The following SCUBE2 variants were observed in gnomAD, a reference collection of about 807,000 sequenced individuals.
SCUBE2 encodes signal peptide, CUB and EGF-like domain-containing protein 2.
In SCUBE2, 114 loss-of-function variants were observed where a neutral mutation model predicts 125.9. The observed-to-expected ratio is 0.91, with a 90% CI of 0.78 to 1.06. The LOEUF is 1.06. Among genes scored for constraint, SCUBE2 ranks in the 50% least tolerant of loss-of-function variants. SCUBE2 has a pLI of 0.00. For synonymous variants in SCUBE2, 459 were observed against 492.9 expected, an observed-to-expected ratio of 0.93 and a Z score of 0.91; for missense variants, 1,255 against 1,301.8, an observed-to-expected ratio of 0.96 and a Z score of 0.55.
At chr11:9,069,951 C>G (rs1860619832) in intron 4 of SCUBE2, among the ~76,000 whole-genome samples, 1 of 152,168 alleles carries the variant, frequency 6.6e-6, no homozygotes, top group Non-Finnish European at 1.5e-5. Flanking sequence ...TTTCAACGCC[C>G]CTCTCTGCCC....
intron 3 of SCUBE2, among the ~76,000 whole-genome samples, chr11:9,077,011 C>G (rs1300560575): frequency 6.6e-6 from 1 of 152,196 alleles, no homozygotes; most frequent in Non-Finnish European, 1.5e-5. Flanking sequence ...AGCTACCACA[C>G]CCCCACCCCA....
At chr11:9,067,002 A>T (rs900202864) in intron 5 of SCUBE2, among the ~76,000 whole-genome samples, 189 bp from the exon 6 acceptor site, 6 of 152,246 alleles carry the variant, frequency 3.9e-5, no homozygotes, top group Non-Finnish European at 8.8e-5. Flanking sequence ...TAGTTACAAT[A>T]CAAATTGTAG....
intron 7 of SCUBE2, among the ~76,000 whole-genome samples, chr11:9,061,320 G>C (rs529314662): frequency 6.6e-6 from 1 of 152,100 alleles, no homozygotes; most frequent in South Asian, 2.1e-4. Context: ...ACTTTGGGAG[G>C]CTGAGGCAGG....
chr11:9,031,643 G>A (rs928354969), intron 17 of SCUBE2, among the ~76,000 whole-genome samples: 6 of 151,556 alleles, frequency 4.0e-5, no homozygotes, highest in African/African-American at 1.5e-4. Context: ...AAAAAAAAGA[G>A]TGACCCAAAG....
intron 16 of SCUBE2, among the ~76,000 whole-genome samples, chr11:9,045,928 C>T (rs138049576): frequency 7.9e-5 from 12 of 151,892 alleles, no homozygotes; most frequent in Middle Eastern, 3.5e-3. Flanking sequence ...CCTAATTTAG[C>T]ATGACAAGCA....
At chr11:9,039,948 C>T (rs1056907786) in intron 16 of SCUBE2, among the ~76,000 whole-genome samples, 4 of 152,220 alleles carry the variant, frequency 2.6e-5, no homozygotes, top group Non-Finnish European at 4.4e-5. Flanking sequence ...TTGATGGATT[C>T]CCGGAAAGAA....
chr11:9,031,030 C>T (rs1374032654), intron 17 of SCUBE2, 105 bp from the exon 18 acceptor site: 1 of 1,041,596 alleles, frequency 9.6e-7, no homozygotes, highest in African/African-American at 1.6e-5. Context: ...CCAGTGCTGA[C>T]CGCAGTTCCC....
intron 4 of SCUBE2, among the ~76,000 whole-genome samples, chr11:9,070,659 C>G (rs1340275037): frequency 6.6e-6 from 1 of 152,118 alleles, no homozygotes; most frequent in Admixed American, 6.5e-5. Context: ...AATCCAACAC[C>G]CTTCTATATT....
In SCUBE2 at chr11:9,075,506, T is replaced by C. The variant is rs1371196837; in HGVS notation, c.383-891A>G. ...TGGGTCAGCCCATGTGGTTGGAGCATAGGGCACATGAGGGAGGTTACAGGA... is the reference window on the plus strand; with the variant it reads ...TGGGTCAGCCCATGTGGTTGGAGCACAGGGCACATGAGGGAGGTTACAGGA... On this transcript the variant is annotated intron_variant, in intron 3 of 22. Coordinates refer to ENST00000649792, the MANE Select transcript of SCUBE2 (RefSeq NM_001367977.2). 5.9e-5 allele frequency among the ~76,000 whole-genome samples: 9 copies of C among 152,190 alleles called. 1 individual carries two copies. Among genetic ancestry groups the C allele is most frequent in the Admixed American group, 4.6e-4 (7 of 15,282 alleles).
At chr11:9,034,716 C>T (rs1281938932) in intron 16 of SCUBE2, among the ~76,000 whole-genome samples, 1 of 152,156 alleles carries the variant, frequency 6.6e-6, no homozygotes, top group Non-Finnish European at 1.5e-5. Flanking sequence ...CGCAGTGGCT[C>T]ACACCTATGA....
intron 2 of SCUBE2, among the ~76,000 whole-genome samples, chr11:9,080,669 A>G (rs7479788): frequency 0.22 from 33,000 of 151,790 alleles, 4,278 homozygotes; most frequent in East Asian, 0.43. Flanking sequence ...AAAGGAGAAA[A>G]AGAGAAAAAT....
intron 7 of SCUBE2, among the ~76,000 whole-genome samples, chr11:9,062,853 G>GA (rs77716079): frequency 0.2 from 27,865 of 138,712 alleles, 3,019 homozygotes; most frequent in South Asian, 0.4. Context: ...GGAGAGAAAA[G>GA]AAAAAAAAAA....
In SCUBE2 at chr11:9,025,685, C is replaced by G; in HGVS notation, c.2854+17G>C. The G allele has an allele frequency of 6.2e-7, 1 of 1,613,620 alleles. No homozygotes were observed. Among genetic ancestry groups the G allele is most frequent in the Admixed American group, 1.7e-5 (1 of 59,958 alleles). ...AAAGCAGAGACGCTCTTTCCATGTGCTGCAGGCTGTGCTTACCATCATATG... is the reference window on the plus strand; with the variant it reads ...AAAGCAGAGACGCTCTTTCCATGTGGTGCAGGCTGTGCTTACCATCATATG... On this transcript the variant is annotated intron_variant, in intron 21 of 22. Transcript: ENST00000649792.
intron 9 of SCUBE2, among the ~76,000 whole-genome samples, chr11:9,057,820 C>G (rs1859243596): frequency 6.6e-6 from 1 of 152,146 alleles, no homozygotes; most frequent in Admixed American, 6.5e-5. Context: ...GTGTGAGCCA[C>G]CACACCCAGC....
chr11:9,074,516 C>T lies in SCUBE2; in HGVS notation c.482G>A (p.Ser161Asn), dbSNP rs777898149. The stretch of plus-strand genomic sequence containing the variant: ...GTGAATGCAGGTGTGCTGATTGTCA[C>T]TCAGGAAAAACCCCTCCTTGCAGCA... ...ECCCKEGFFLSDNQHTCIHRS... is the reference protein window; with the variant it reads ...ECCCKEGFFLNDNQHTCIHRS... The change falls in exon 4 of 23, where the codon AGT (serine) becomes AAT (asparagine). Residue 161 changes from serine to asparagine, a missense_variant. Ser to Asn is a conservative substitution (Grantham distance 46). Around this residue, in one of 3 missense-constraint regions of SCUBE2, gnomAD observed 362 missense variants for 323.0 expected, o/e 1.12. Coordinates refer to ENST00000649792, the MANE Select transcript of SCUBE2 (RefSeq NM_001367977.2). 3.7e-6 allele frequency: 6 copies of T among 1,614,222 alleles called. No individual in the cohort carries two copies. The highest frequency in any genetic ancestry group is 5.1e-6 in the Non-Finnish European group (6 of 1,180,032).
At position 9,047,477 on chromosome 11, in the gene SCUBE2, C is replaced by T. The variant is rs900621426; in HGVS notation, c.1881G>A (p.Arg627=). The T allele has an allele frequency of 1.9e-6, 3 of 1,613,838 alleles. No homozygotes were observed. Among genetic ancestry groups the T allele is most frequent in the Non-Finnish European group, 2.5e-6 (3 of 1,180,010 alleles). Reference sequence around the variant, plus strand: ...CTGAGAGCTGGAGGTGAAACTGCTCCCTGTGGACGGCCTTTCTGAGCGTGC... The same window carrying T: ...CTGAGAGCTGGAGGTGAAACTGCTCTCTGTGGACGGCCTTTCTGAGCGTGC... ...AIRTLRKAVH[R]EQFHLQLSGM... is the part of the protein sequence containing the mutation. Residue 627 remains arginine (R), a synonymous_variant, in exon 16 of 23, where the codon AGG becomes AGA. Coordinates refer to ENST00000649792, the MANE Select transcript of SCUBE2 (RefSeq NM_001367977.2).
At position 9,083,989 on chromosome 11, in the gene SCUBE2, G is replaced by A. The variant is rs934124872; in HGVS notation, c.257-4480C>T. ...TATGCGTACATGTATTTCCCAGGTA[G>A]GAATGATGACACCCTAGTAGCAATG... On this transcript the variant is annotated intron_variant, in intron 2 of 22. Coordinates refer to ENST00000649792, the MANE Select transcript of SCUBE2 (RefSeq NM_001367977.2). Among the ~76,000 whole-genome samples the A allele has an allele frequency of 2.6e-5, 4 of 152,186 alleles. No homozygotes were observed. In the East Asian group the frequency reaches 7.7e-4, roughly 29 times the overall value.
At chr11:9,078,749 G>T (rs1306781123) in intron 3 of SCUBE2, among the ~76,000 whole-genome samples, 4 of 152,320 alleles carry the variant, frequency 2.6e-5, no homozygotes, top group African/African-American at 9.6e-5. Flanking sequence ...CTATCTGCCA[G>T]GAGTGCTGCA....
At position 9,045,610 on chromosome 11, in the gene SCUBE2, GACACACAC is replaced by G. The variant is rs72142315; in HGVS notation, c.2002+1738_2002+1745del. 8.3e-3 allele frequency among the ~76,000 whole-genome samples: 825 copies of G among 99,172 alleles called. 4 individuals are homozygous for G. The highest frequency in any genetic ancestry group is 0.013 in the Non-Finnish European group (560 of 44,264). 65.1% of individuals were successfully genotyped at this position (99,172 alleles called of 152,430 possible). A position where few individuals can be genotyped will look rare whatever the true frequency, so the allele number is the denominator to read the frequency against. On this transcript the variant is annotated intron_variant, in intron 16 of 22. Transcript: ENST00000649792. ...ACCAGGACTAGAAGACAGACAGACAGACACACACACACACACACACACACACACACACA... is the reference window on the plus strand; with the variant it reads ...ACCAGGACTAGAAGACAGACAGACAGACACACACACACACACACACACACA...
Sources: gnomAD v4.1 joint callset for allele counts (sites outside exome capture counted in the v4.1 genomes callset) on GRCh38, gnomAD v4.1.1 for gene constraint, gnomAD v4.1.1 regional missense constraint, MANE v1.5 for transcripts, NCBI Gene and HGNC (gene_info 2026-07-23, HGNC 2026-07-21) for gene names.